The following REPS2 variants were observed in gnomAD, a reference collection of about 807,000 sequenced individuals.
The protein encoded by REPS2 is RALBP1 associated Eps domain containing 2.
REPS2 carries 23 observed loss-of-function variants against 53.6 expected under a neutral mutation model. The observed-to-expected ratio is 0.43, with a 90% CI of 0.31 to 0.61. The LOEUF (loss-of-function observed/expected upper bound fraction) is 0.61. REPS2 is among the 20% of genes least tolerant of loss of function. The probability of loss-of-function intolerance (pLI) is 0.11; values close to 1 mark genes in which losing one functional copy is unlikely to be tolerated. For missense variants in REPS2, 446 were observed against 534.9 expected (o/e 0.83, Z 1.64); for synonymous variants, 238 against 218.6 (o/e 1.09, Z -0.78).
intron 8 of REPS2, among the ~76,000 whole-genome samples, chrX:17,055,850 AG>A (rs1304443651): frequency 4.9e-5 from 2 of 40,994 alleles, no homozygotes; most frequent in African/African-American, 2.1e-4. Flanking sequence ...GGGTCGGGGG[AG>A]GGGGGAGGGA....
At chrX:16,963,221 T>C (rs1369168106) in intron 1 of REPS2, among the ~76,000 whole-genome samples, 2 of 112,729 alleles carry the variant, frequency 1.8e-5, no homozygotes, top group Non-Finnish European at 3.7e-5. Flanking sequence ...GATTTCTTTA[T>C]ACATTGCTCA....
chrX:17,119,939 C>T (rs943354134), intron 14 of REPS2, among the ~76,000 whole-genome samples: 1 of 97,606 alleles, frequency 1.0e-5, no homozygotes, highest in Non-Finnish European at 2.0e-5. Flanking sequence ...TGCAGTGGCG[C>T]GATTCTGGCT....
intron 5 of REPS2, among the ~76,000 whole-genome samples, chrX:17,035,014 T>A (rs761688117): frequency 2.7e-5 from 3 of 110,600 alleles, no homozygotes; most frequent in Non-Finnish European, 5.7e-5. Context: ...CTCCCCTAGA[T>A]ATAACTGCAG....
chrX:17,000,936 A>G (rs1041329348), intron 1 of REPS2, among the ~76,000 whole-genome samples: 1 of 111,860 alleles, frequency 8.9e-6, no homozygotes, highest in Non-Finnish European at 1.9e-5. Flanking sequence ...TTTTCCAACC[A>G]CTGATGTAAT....
At chrX:17,131,462 G>A (rs1326780064) in intron 14 of REPS2, among the ~76,000 whole-genome samples, 3 of 111,617 alleles carry the variant, frequency 2.7e-5, no homozygotes, top group African/African-American at 6.5e-5. Flanking sequence ...AGAAGGCCAC[G>A]TTAGGGATGA....
At chrX:17,141,881 A>AT (rs1301153188) in intron 17 of REPS2, among the ~76,000 whole-genome samples, 1 of 112,261 alleles carries the variant, frequency 8.9e-6, no homozygotes, top group Non-Finnish European at 1.9e-5. Flanking sequence ...TCCCAGCAGG[A>AT]TTTTTTGTGA....
chrX:16,960,464 C>A lies in REPS2; in HGVS notation c.273+13330C>A, dbSNP rs182184388. On this transcript the variant is annotated intron_variant, in intron 1 of 17. Transcript: ENST00000357277. ...AGCCTTTCGTGATAAACATTTTCAA[C>A]AAAATAAGTTTAAAAGGGAATTTCC... is the stretch of plus-strand genomic sequence containing the variant. 7.9e-3 allele frequency among the ~76,000 whole-genome samples: 883 copies of A among 112,270 alleles called. 12 individuals are homozygous for A. Among genetic ancestry groups the A allele is most frequent in the African/African-American group, 0.028 (855 of 30,946 alleles).
intron 2 of REPS2, among the ~76,000 whole-genome samples, chrX:17,013,261 A>G (rs2061450887): frequency 8.9e-6 from 1 of 112,034 alleles, no homozygotes. Flanking sequence ...CCTTCTGTAA[A>G]ATAAGGATCA....
At chrX:17,002,466 G>A (rs2061319584) in intron 1 of REPS2, among the ~76,000 whole-genome samples, 1 of 111,574 alleles carries the variant, frequency 9.0e-6, no homozygotes, top group African/African-American at 3.3e-5. Flanking sequence ...GCCTAATGTT[G>A]GGTAATCAGA....
chrX:17,178,211 C>T, the REPS2 span, among the ~76,000 whole-genome samples: 1 of 111,683 alleles, frequency 9.0e-6, no homozygotes, highest in Non-Finnish European at 1.9e-5. Flanking sequence ...CTGAAATGCA[C>T]TCATGGCCTC....
At chrX:17,100,384 G>A (rs748709958) in intron 13 of REPS2, 75 of 440,030 alleles carry the variant, frequency 1.7e-4, no homozygotes, top group Admixed American at 1.0e-3. Flanking sequence ...TCGGTGCTGC[G>A]CTATTGGCGC....
chrX:17,070,225 C>T (rs1369976676), intron 11 of REPS2, among the ~76,000 whole-genome samples: 2 of 111,421 alleles, frequency 1.8e-5, no homozygotes, highest in Non-Finnish European at 3.8e-5. Flanking sequence ...GAAAGGATCA[C>T]GAAGGATCAC....
At chrX:16,956,087 A>C (rs759329527) in intron 1 of REPS2, among the ~76,000 whole-genome samples, 8 of 111,356 alleles carry the variant, frequency 7.2e-5, no homozygotes, top group Non-Finnish European at 1.5e-4. Context: ...GTGGAAAAGC[A>C]GATGCAAATG....
intron 1 of REPS2, among the ~76,000 whole-genome samples, chrX:16,984,091 A>G (rs768208457): frequency 2.0e-4 from 22 of 112,716 alleles, no homozygotes; most frequent in Non-Finnish European, 3.2e-4. Flanking sequence ...ATTGTCTGAC[A>G]TAGTTTTGAG....
chrX:17,126,228 C>G (rs954056085), intron 14 of REPS2, among the ~76,000 whole-genome samples: 5 of 111,231 alleles, frequency 4.5e-5, no homozygotes, highest in Non-Finnish European at 9.4e-5. Context: ...CCCCTTCTGG[C>G]CAGGCAGCAA....
chrX:16,964,560 GGGT>G (rs2147650384), intron 1 of REPS2, among the ~76,000 whole-genome samples: 1 of 110,354 alleles, frequency 9.1e-6, no homozygotes, highest in South Asian at 3.8e-4. Flanking sequence ...CTCCCAGACG[GGGT>G]GGTGGCCGGG....
intron 2 of REPS2, among the ~76,000 whole-genome samples, chrX:17,020,254 G>A (rs2061554454): frequency 8.9e-6 from 1 of 112,337 alleles, no homozygotes. Context: ...ATGCCAGTAA[G>A]GCACTGGTCA....
At chrX:17,177,971 G>C in the REPS2 span, among the ~76,000 whole-genome samples, 1 of 111,361 alleles carries the variant, frequency 9.0e-6, no homozygotes, top group African/African-American at 3.3e-5. Context: ...ACTCCATTAA[G>C]GGGTTACCTG....
intron 5 of REPS2, among the ~76,000 whole-genome samples, chrX:17,031,349 C>G (rs2061706844): frequency 8.9e-6 from 1 of 111,989 alleles, no homozygotes; most frequent in Non-Finnish European, 1.9e-5. Flanking sequence ...TACCTAGCCC[C>G]TGGCTGGCAT....
Sources: gnomAD v4.1 joint callset for allele counts (sites outside exome capture counted in the v4.1 genomes callset) on GRCh38, gnomAD v4.1.1 for gene constraint, MANE v1.5 for transcripts, NCBI Gene and HGNC (gene_info 2026-07-23, HGNC 2026-07-21) for gene names.